MRPL14: variants seen among roughly 807,000 people sequenced by gnomAD.
MRPL14 encodes the protein large ribosomal subunit protein uL14m.
Under a neutral mutation model 10.9 loss-of-function variants are expected in MRPL14, and 8 were observed. The observed-to-expected ratio is 0.74, with a 90% confidence interval of 0.43 to 1.33. The LOEUF (loss-of-function observed/expected upper bound fraction) is 1.33, where lower values mean the gene tolerates loss of function less well. Among genes scored for constraint, MRPL14 ranks in the 40% most tolerant of loss-of-function variants. The probability of loss-of-function intolerance (pLI) is 0.01; values close to 1 mark genes in which losing one functional copy is unlikely to be tolerated. For missense variants in MRPL14, 179 were observed against 194.5 expected, an observed-to-expected ratio of 0.92 and a Z score of 0.47; for synonymous variants, 82 against 74.1, an observed-to-expected ratio of 1.11 and a Z score of -0.54.
intron 1 of MRPL14, among the ~76,000 whole-genome samples, chr6:44,126,314 G>T (rs763998076): frequency 6.6e-6 from 1 of 152,198 alleles, no homozygotes; most frequent in African/African-American, 2.4e-5. Context: ...TCAAGTGGCC[G>T]TGATCTACTA....
intron 1 of MRPL14, among the ~76,000 whole-genome samples, chr6:44,124,229 C>T (rs1168687400): frequency 1.3e-5 from 2 of 152,078 alleles, no homozygotes; most frequent in Non-Finnish European, 2.9e-5. Context: ...GAGGGTGCTG[C>T]TGATGGAAAG....
rs555095957 is a variant in MRPL14 at position 44,123,015 on chromosome 6, G to C, written c.-19+4329C>G. 2.3e-4 allele frequency among the ~76,000 whole-genome samples: 35 copies of C among 152,274 alleles called. 1 individual carries two copies. In the South Asian group the frequency reaches 7.3e-3, roughly 32 times the overall value. On this transcript the variant is annotated intron_variant, in intron 1 of 2. Coordinates refer to ENST00000372014, the MANE Select transcript of MRPL14 (RefSeq NM_032111.4). ...TTTTAGGAAGTTTGGTGTGTGCGTG[G>C]TTTTGTAACCTCACACAATAGCCAC... is the stretch of plus-strand genomic sequence containing the variant.
At chr6:44,122,845 C>T (rs1776585940) in intron 1 of MRPL14, among the ~76,000 whole-genome samples, 1 of 152,150 alleles carries the variant, frequency 6.6e-6, no homozygotes, top group African/African-American at 2.4e-5. Context: ...AAATCAAAAA[C>T]AAAAAGGAAT....
chr6:44,126,472 C>T (rs1400462507), intron 1 of MRPL14, among the ~76,000 whole-genome samples: 1 of 152,216 alleles, frequency 6.6e-6, no homozygotes, highest in African/African-American at 2.4e-5. Context: ...CCAAACCCCC[C>T]AGGTGGGCAG....
chr6:44,120,132 C>A (rs1380677724), intron 1 of MRPL14, among the ~76,000 whole-genome samples: 1 of 152,184 alleles, frequency 6.6e-6, no homozygotes, highest in East Asian at 1.9e-4. Context: ...TCTGCCCAGA[C>A]AAATGTGACC....
At chr6:44,117,310 A>G (rs971230377) in intron 1 of MRPL14, among the ~76,000 whole-genome samples, 13 of 152,222 alleles carry the variant, frequency 8.5e-5, no homozygotes, top group African/African-American at 3.1e-4. Flanking sequence ...TAGCTAAAAG[A>G]GCAAACACCA....
chr6:44,125,636 G>A (rs1056992947), intron 1 of MRPL14, among the ~76,000 whole-genome samples: 2 of 129,758 alleles, frequency 1.5e-5, no homozygotes, highest in African/African-American at 3.1e-5. Flanking sequence ...TCCCCAGCCT[G>A]GGCAAGAGAG....
intron 2 of MRPL14, 103 bp downstream of exon 2, chr6:44,116,438 C>T: frequency 8.4e-7 from 1 of 1,188,808 alleles, no homozygotes; most frequent in Non-Finnish European, 1.2e-6. Context: ...ACCCCATGCC[C>T]ACCTCCCTGA....
chr6:44,116,578 T>G lies in MRPL14; in HGVS notation c.34A>C (p.Thr12Pro). Residue 12 changes from threonine (T) to proline (P), a missense_variant, in exon 2 of 3, where the codon ACC becomes CCC. Physicochemically the swap from Thr to Pro is conservative, Grantham distance 38 (BLOSUM62 -1). Transcript: ENST00000372014. The stretch of plus-strand genomic sequence containing the variant: ...TGGCTCAGCACTCTGCTTACACAGG[T>G]GAAGGGGCCCCAGAGCCCAGTAAAG... The part of the protein sequence containing the change: ...AFFTGLWGPF[T>P]CVSRVLSHHC... 6.2e-7 allele frequency: 1 copy of G among 1,613,926 alleles called. No individual in the cohort carries two copies. Among genetic ancestry groups the G allele is most frequent in the Non-Finnish European group, 8.5e-7 (1 of 1,179,980 alleles).
chr6:44,118,791 C>G (rs920614795), intron 1 of MRPL14, among the ~76,000 whole-genome samples: 1 of 151,980 alleles, frequency 6.6e-6, no homozygotes, highest in Non-Finnish European at 1.5e-5. Flanking sequence ...ATGGAGAAAC[C>G]CTGTCTCTAC....
chr6:44,119,828 G>C (rs1389082890), intron 1 of MRPL14, among the ~76,000 whole-genome samples: 3 of 152,162 alleles, frequency 2.0e-5, no homozygotes, highest in African/African-American at 7.2e-5. Context: ...CTCCTTGAGA[G>C]AGAAGAGCGT....
chr6:44,124,745 A>C (rs981059947), intron 1 of MRPL14, among the ~76,000 whole-genome samples: 3 of 152,218 alleles, frequency 2.0e-5, no homozygotes, highest in African/African-American at 7.2e-5. Context: ...CTGAGATCTG[A>C]ACTGCAGTCT....
chr6:44,116,690 T>C (rs1225835160), intron 1 of MRPL14, 61 bp from the exon 2 acceptor site: 10 of 1,157,246 alleles, frequency 8.6e-6, no homozygotes, highest in Middle Eastern at 3.9e-4. Flanking sequence ...AAAGCCAGTT[T>C]TCTTTGGGGA....
At chr6:44,124,909 C>G (rs1388503700) in intron 1 of MRPL14, among the ~76,000 whole-genome samples, 1 of 152,144 alleles carries the variant, frequency 6.6e-6, no homozygotes, top group East Asian at 1.9e-4. Flanking sequence ...ATCCAAGTAA[C>G]CTGACAGTAG....
At chr6:44,125,932 T>C (rs538938905) in intron 1 of MRPL14, among the ~76,000 whole-genome samples, 1 of 152,304 alleles carries the variant, frequency 6.6e-6, no homozygotes, top group Non-Finnish European at 1.5e-5. Flanking sequence ...CCCTTCCTAA[T>C]TAAGCCAACC....
chr6:44,123,059 T>C (rs1289577959), intron 1 of MRPL14, among the ~76,000 whole-genome samples: 1 of 152,234 alleles, frequency 6.6e-6, no homozygotes, highest in African/African-American at 2.4e-5. Context: ...GTTATAAATC[T>C]CAAAGTACTT....
intron 2 of MRPL14, 83 bp downstream of exon 2, chr6:44,116,458 C>T (rs1775857442): frequency 3.6e-6 from 5 of 1,387,942 alleles, no homozygotes; most frequent in Non-Finnish European, 5.1e-6. Flanking sequence ...AGTTTTTACT[C>T]CTGTTCTAGT....
rs534573147 is a variant in MRPL14, at chr6:44,127,412, C to G, written c.-87G>C. On this transcript the variant is annotated 5_prime_UTR_variant, in exon 1 of 3. Transcript: ENST00000372014. ...CAAGCGCCGCCTTCGCCCCACGCGG[C>G]CTCTTCCTAGCGCCTGCGCGCCAGG... 1.3e-5 allele frequency: 2 copies of G among 152,430 alleles called. No homozygotes were observed. The highest frequency in any genetic ancestry group is 2.9e-5 in the Non-Finnish European group (2 of 68,290). The allele number at this position is 152,430 out of a possible 1,614,324, so 9.4% of individuals were successfully genotyped here. A position where few individuals can be genotyped will look rare whatever the true frequency, so the allele number is the denominator to read the frequency against.
chr6:44,124,117 C>T (rs76029869), intron 1 of MRPL14, among the ~76,000 whole-genome samples: 2,217 of 152,214 alleles, frequency 0.015, 42 homozygotes, highest in African/African-American at 0.05. Flanking sequence ...TAATTCCCTT[C>T]CTATTAGTAC....
Sources: allele counts gnomAD v4.1 joint callset (sites outside exome capture counted in the v4.1 genomes callset), GRCh38; gene constraint gnomAD v4.1.1; transcripts MANE v1.5; gene names NCBI Gene and HGNC (gene_info 2026-07-23, HGNC 2026-07-21).